STMND1: variants seen among roughly 807,000 people sequenced by gnomAD.
The protein encoded by STMND1 is stathmin domain-containing protein 1.
In STMND1, 17 loss-of-function variants were observed where a neutral mutation model predicts 23.0. That is an observed-to-expected ratio of 0.74 (90% confidence interval 0.51 to 1.11). STMND1 has a LOEUF of 1.11. Among genes scored for constraint, STMND1 ranks in the 50% least tolerant of loss-of-function variants. The pLI, the probability that STMND1 is intolerant of heterozygous loss-of-function variation, is 0.00. For synonymous variants in STMND1, 114 were observed against 119.9 expected (o/e 0.95, Z 0.32); for missense variants, 305 against 329.1 (o/e 0.93, Z 0.57).
chr6:17,105,910 G>T (rs796089088), intron 1 of STMND1, among the ~76,000 whole-genome samples: 2 of 152,292 alleles, frequency 1.3e-5, no homozygotes, highest in African/African-American at 4.8e-5. Flanking sequence ...GGGCAAAAGA[G>T]CCAGACTCTG....
intron 1 of STMND1, chr6:17,110,722 C>T (rs970647138): frequency 1.6e-5 from 7 of 436,998 alleles, no homozygotes; most frequent in Admixed American, 9.8e-5. Flanking sequence ...GAGCCGAGAT[C>T]GCACCACTGC....
At chr6:17,115,372 TAAAAAAAAAAAA>T (rs75171969) in intron 2 of STMND1, among the ~76,000 whole-genome samples, 3 of 116,102 alleles carry the variant, frequency 2.6e-5, no homozygotes, top group East Asian at 2.4e-4. Flanking sequence ...GGACCATCTT[TAAAAAAAAAAAA>T]AAAAAAAAAA....
At chr6:17,122,582 G>T (rs910804888) in intron 3 of STMND1, among the ~76,000 whole-genome samples, 2 of 151,954 alleles carry the variant, frequency 1.3e-5, no homozygotes, top group Non-Finnish European at 2.9e-5. Flanking sequence ...GGAATGTTGA[G>T]AACTCATGAA....
intron 2 of STMND1, among the ~76,000 whole-genome samples, chr6:17,120,147 G>A (rs1761212549): frequency 6.6e-6 from 1 of 152,118 alleles, no homozygotes; most frequent in Admixed American, 6.5e-5. Flanking sequence ...TATAAACTTA[G>A]GGTTGCAGAA....
At chr6:17,122,250 T>G (rs1761244456) in intron 3 of STMND1, among the ~76,000 whole-genome samples, 1 of 152,090 alleles carries the variant, frequency 6.6e-6, no homozygotes, top group Non-Finnish European at 1.5e-5. Context: ...GTTTTCTTGT[T>G]TGTTTGGGTT....
intron 1 of STMND1, among the ~76,000 whole-genome samples, chr6:17,107,228 G>A (rs756819228): frequency 6.6e-6 from 1 of 152,106 alleles, no homozygotes; most frequent in Non-Finnish European, 1.5e-5. Flanking sequence ...TGGTAAATAT[G>A]TTTCCCAAAA....
rs9396750 is a variant in STMND1 at position 17,124,387 on chromosome 6, A to C, written c.411+3629A>C. Among the ~76,000 whole-genome samples the C allele has an allele frequency of 2.0e-5, 3 of 152,346 alleles. No homozygotes were observed. In the East Asian group the frequency reaches 5.8e-4, roughly 29 times the overall value. ...ACATACAAGGGCATTTCAGACTTAG[A>C]TCTGGCTGCTTCTTAGCCAGGTCAT... On this transcript the variant is annotated intron_variant, in intron 3 of 4. Transcript: ENST00000536551.
intron 2 of STMND1, among the ~76,000 whole-genome samples, chr6:17,116,535 G>A (rs1415286988): frequency 6.6e-6 from 1 of 152,056 alleles, no homozygotes; most frequent in Non-Finnish European, 1.5e-5. Context: ...CGCCTCCCAG[G>A]TTCAAGCAGT....
intron 2 of STMND1, 74 bp from the exon 3 acceptor site, chr6:17,120,532 TC>T (rs1328061885): frequency 8.4e-7 from 1 of 1,185,452 alleles, no homozygotes. Context: ...TTAGAAGGCA[TC>T]CGTTTAGCAT....
intron 2 of STMND1, among the ~76,000 whole-genome samples, chr6:17,115,432 T>G (rs1293083769): frequency 6.7e-6 from 1 of 150,140 alleles, no homozygotes; most frequent in Admixed American, 6.6e-5. Flanking sequence ...GGCCAGACTT[T>G]AGGAATGGGA....
At chr6:17,111,201 C>T (rs1761092902) in intron 1 of STMND1, among the ~76,000 whole-genome samples, 1 of 152,082 alleles carries the variant, frequency 6.6e-6, no homozygotes, top group African/African-American at 2.4e-5. Flanking sequence ...CATTTTTATG[C>T]TTTGTTTTGA....
intron 2 of STMND1, among the ~76,000 whole-genome samples, chr6:17,116,136 C>T (rs1004265333): frequency 2.9e-4 from 44 of 152,184 alleles, no homozygotes; most frequent in African/African-American, 1.0e-3. Context: ...GAGCGTCAGG[C>T]AGACAGGGAC....
chr6:17,115,045 A>G lies in STMND1; in HGVS notation c.165A>G (p.Ala55=). The change falls in exon 2 of 5, where the codon GCA becomes GCG. Residue 55 remains alanine (A), a synonymous_variant. Coordinates refer to ENST00000536551, the MANE Select transcript of STMND1 (RefSeq NM_001190766.2). ...AALTKNTVDI[A]EGLEQVQMGS... ...TGACCAAGAATACTGTGGACATTGC[A>G]GAAGGCCTGGAACAAGTCCAGATGG... 6.5e-7 allele frequency: 1 copy of G among 1,536,056 alleles called. No individual in the cohort carries two copies. Among genetic ancestry groups the G allele is most frequent in the African/African-American group, 1.4e-5 (1 of 73,176 alleles).
chr6:17,120,890 T>A (rs182310995), intron 3 of STMND1, 132 bp downstream of exon 3: 3 of 754,308 alleles, frequency 4.0e-6, no homozygotes, highest in African/African-American at 3.5e-5. Flanking sequence ...CAGATTTTTC[T>A]CCCTTAAATT....
At chr6:17,130,245 T>C (rs1490634284) in intron 4 of STMND1, among the ~76,000 whole-genome samples, 2 of 152,122 alleles carry the variant, frequency 1.3e-5, no homozygotes, top group Non-Finnish European at 2.9e-5. Flanking sequence ...GGCGTTAAAC[T>C]GAGAGAAGCT....
At chr6:17,102,359 CAAACA>C in intron 1 of STMND1, 21 bp downstream of exon 1, 1 of 1,535,258 alleles carries the variant, frequency 6.5e-7, no homozygotes, top group Non-Finnish European at 8.7e-7. Context: ...AACAAACAAA[CAAACA>C]AACAAACAGA....
chr6:17,129,366 T>TAATAAAAAAAA, intron 4 of STMND1, 123 bp downstream of exon 4: 1 of 979,584 alleles, frequency 1.0e-6, no homozygotes. Context: ...AGTATTTTTT[T>TAATAAAAAAAA]TATTATTTTA....
At chr6:17,126,713 A>AGAGGGAACTTCCTTT (rs1348017276) in intron 3 of STMND1, among the ~76,000 whole-genome samples, 9 of 152,228 alleles carry the variant, frequency 5.9e-5, no homozygotes, top group Non-Finnish European at 1.2e-4. Context: ...TGATGATGGG[A>AGAGGGAACTTCCTTT]GAGGGAACTT....
chr6:17,116,791 C>T (rs1396505901), intron 2 of STMND1, among the ~76,000 whole-genome samples: 2 of 152,090 alleles, frequency 1.3e-5, no homozygotes, highest in Non-Finnish European at 2.9e-5. Flanking sequence ...CCAAGTGTTT[C>T]CTTGTTTAAA....
Sources: gnomAD v4.1 joint callset for allele counts (sites outside exome capture counted in the v4.1 genomes callset) on GRCh38, gnomAD v4.1.1 for gene constraint, MANE v1.5 for transcripts, NCBI Gene and HGNC (gene_info 2026-07-23, HGNC 2026-07-21) for gene names.